NKAIN2: variants seen among roughly 807,000 people sequenced by gnomAD.
NKAIN2 encodes the protein sodium/potassium transporting ATPase interacting 2.
A neutral mutation model predicts 32.6 loss-of-function variants in NKAIN2; 14 were observed. That is an observed-to-expected ratio of 0.43 (90% confidence interval 0.28 to 0.67). NKAIN2 has a LOEUF of 0.67. Among genes scored for constraint, NKAIN2 ranks in the 30% least tolerant of loss-of-function variants. NKAIN2 has a pLI of 0.17. For synonymous variants in NKAIN2, 80 were observed against 87.2 expected, an observed-to-expected ratio of 0.92 and a Z score of 0.46; for missense variants, 198 against 258.3, an observed-to-expected ratio of 0.77 and a Z score of 1.60.
At chr6:124,030,013 G>A (rs1781335568) in intron 1 of NKAIN2, among the ~76,000 whole-genome samples, 1 of 151,896 alleles carries the variant, frequency 6.6e-6, no homozygotes, top group African/African-American at 2.4e-5. Context: ...GACCAGCCTG[G>A]CCAACATGGT....
chr6:124,429,448 T>C (rs948461874), intron 3 of NKAIN2, among the ~76,000 whole-genome samples: 3 of 152,220 alleles, frequency 2.0e-5, no homozygotes, highest in African/African-American at 7.2e-5. Flanking sequence ...GTGAGAAGTC[T>C]CTCCTCTGTG....
At chr6:124,214,636 G>T (rs1791372962) in intron 1 of NKAIN2, among the ~76,000 whole-genome samples, 1 of 152,090 alleles carries the variant, frequency 6.6e-6, no homozygotes. Flanking sequence ...AGGAGGTGGA[G>T]ATTGCCATGA....
intron 3 of NKAIN2, among the ~76,000 whole-genome samples, chr6:124,647,113 G>T (rs1480684912): frequency 6.6e-6 from 1 of 151,476 alleles, no homozygotes; most frequent in Non-Finnish European, 1.5e-5. Flanking sequence ...TAAATATTTA[G>T]GAAAACTGTA....
At position 123,988,874 on chromosome 6, in the gene NKAIN2, A is replaced by AGTGTGT. The variant is rs72226512; in HGVS notation, c.54+184647_54+184652dup. Among the ~76,000 whole-genome samples the AGTGTGT allele has an allele frequency of 1.2e-3, 156 of 134,408 alleles. 1 individual carries two copies. The highest frequency in any genetic ancestry group is 0.011 in the East Asian group (48 of 4,362). 88.2% of individuals were successfully genotyped at this position (134,408 alleles called of 152,430 possible). On this transcript the variant is annotated intron_variant, in intron 1 of 6. Transcript: ENST00000368417. ...TTGCTGTAGATATTTGAACCTTAAG[A>AGTGTGT]GTGTGTGTGTGTGTGTGTGTGTGTG...
chr6:124,533,471 C>CAAA lies in NKAIN2; in HGVS notation c.274-124697_274-124695dup, dbSNP rs201100605. 6.6e-4 allele frequency among the ~76,000 whole-genome samples: 39 copies of CAAA among 58,968 alleles called. 4 individuals carry two copies. The highest frequency in any genetic ancestry group is 1.1e-3 in the African/African-American group (16 of 14,260). The allele number at this position is 58,968 out of a possible 152,430, so 38.7% of individuals were successfully genotyped here. A position where few individuals can be genotyped will look rare whatever the true frequency, so the allele number is the denominator to read the frequency against. Reference sequence around the variant, plus strand: ...TGGGTGACAGAGCAAGACTCTGTCTCAAAAAAAAAAAAAAAAAAAATCCTG... The same window carrying CAAA: ...TGGGTGACAGAGCAAGACTCTGTCTCAAAAAAAAAAAAAAAAAAAAAAATCCTG... On this transcript the variant is annotated intron_variant, in intron 3 of 6. Coordinates refer to ENST00000368417, the MANE Select transcript of NKAIN2 (RefSeq NM_001040214.3).
chr6:124,197,332 C>G (rs746762336), intron 1 of NKAIN2, among the ~76,000 whole-genome samples: 2 of 151,970 alleles, frequency 1.3e-5, no homozygotes, highest in Non-Finnish European at 2.9e-5. Flanking sequence ...ACTTTCCACC[C>G]CACCAGCCTT....
At chr6:124,772,063 G>T (rs974762920) in intron 4 of NKAIN2, among the ~76,000 whole-genome samples, 4 of 152,206 alleles carry the variant, frequency 2.6e-5, no homozygotes, top group Non-Finnish European at 5.9e-5. Context: ...ATTTTGTCAT[G>T]AAAGAGTGAG....
chr6:123,807,440 A>T (rs540191434), intron 1 of NKAIN2, among the ~76,000 whole-genome samples: 39 of 152,212 alleles, frequency 2.6e-4, no homozygotes, highest in African/African-American at 9.4e-4. Flanking sequence ...TAATACTCAG[A>T]AACTGAAGAT....
chr6:124,424,142 C>T (rs189317124), intron 3 of NKAIN2, among the ~76,000 whole-genome samples: 278 of 152,086 alleles, frequency 1.8e-3, no homozygotes, highest in African/African-American at 6.1e-3. Flanking sequence ...TACAGGTGCC[C>T]GCCACCATGC....
intron 3 of NKAIN2, among the ~76,000 whole-genome samples, chr6:124,501,441 A>G (rs944599524): frequency 1.3e-5 from 2 of 152,196 alleles, no homozygotes; most frequent in African/African-American, 4.8e-5. Context: ...TGGAAGGGAA[A>G]GAAAGAAAAA....
rs151197279 is a variant in NKAIN2 at position 124,155,453 on chromosome 6, G to C, written c.55-127552G>C. Reference sequence around the variant, plus strand: ...ATAATTATTATATGTCAATTAAAAAGAAAAAAATTTAAATGTTGAATGAGG... The same window carrying C: ...ATAATTATTATATGTCAATTAAAAACAAAAAAATTTAAATGTTGAATGAGG... On this transcript the variant is annotated intron_variant, in intron 1 of 6. Coordinates refer to ENST00000368417, the MANE Select transcript of NKAIN2 (RefSeq NM_001040214.3). 2.8e-3 allele frequency among the ~76,000 whole-genome samples: 424 copies of C among 151,570 alleles called. 1 individual carries two copies. The highest frequency in any genetic ancestry group is 5.2e-3 in the Non-Finnish European group (356 of 67,826).
intron 1 of NKAIN2, among the ~76,000 whole-genome samples, chr6:123,958,862 T>C (rs1243617977): frequency 1.3e-5 from 2 of 152,164 alleles, no homozygotes; most frequent in Non-Finnish European, 2.9e-5. Context: ...TTATTCTTTA[T>C]AGACCAGGAA....
At chr6:124,409,661 T>G (rs1774057408) in intron 3 of NKAIN2, among the ~76,000 whole-genome samples, 1 of 152,326 alleles carries the variant, frequency 6.6e-6, no homozygotes, top group Middle Eastern at 3.4e-3. Flanking sequence ...TTCTCTTTTC[T>G]TGTTGTGTCT....
intron 3 of NKAIN2, among the ~76,000 whole-genome samples, chr6:124,481,787 G>T (rs994857037): frequency 6.6e-6 from 1 of 152,200 alleles, no homozygotes; most frequent in East Asian, 1.9e-4. Flanking sequence ...GATCCTGAGA[G>T]ACTTGAGTGT....
At chr6:124,036,033 G>A (rs1781592326) in intron 1 of NKAIN2, among the ~76,000 whole-genome samples, 1 of 152,052 alleles carries the variant, frequency 6.6e-6, no homozygotes, top group African/African-American at 2.4e-5. Flanking sequence ...ATAAGTAATG[G>A]ATATTGTTTC....
At chr6:124,424,823 C>T (rs1774913080) in intron 3 of NKAIN2, among the ~76,000 whole-genome samples, 1 of 152,112 alleles carries the variant, frequency 6.6e-6, no homozygotes, top group Non-Finnish European at 1.5e-5. Context: ...ATGCACACAG[C>T]TTATTTCCTT....
At chr6:123,899,561 C>A (rs1200733152) in intron 1 of NKAIN2, among the ~76,000 whole-genome samples, 1 of 152,196 alleles carries the variant, frequency 6.6e-6, no homozygotes, top group Non-Finnish European at 1.5e-5. Flanking sequence ...TTATGTATAG[C>A]AGATGTAATC....
intron 1 of NKAIN2, among the ~76,000 whole-genome samples, chr6:123,894,167 A>C (rs1774162108): frequency 6.6e-6 from 1 of 152,026 alleles, no homozygotes; most frequent in African/African-American, 2.4e-5. Flanking sequence ...CAGGTGTCTC[A>C]AAAATGGACA....
chr6:124,528,543 A>C (rs1779404043), intron 3 of NKAIN2, among the ~76,000 whole-genome samples: 1 of 152,352 alleles, frequency 6.6e-6, no homozygotes, highest in African/African-American at 2.4e-5. Flanking sequence ...AGCTTATAAT[A>C]GTTTCAAAAA....
Sources: allele counts gnomAD v4.1 joint callset (sites outside exome capture counted in the v4.1 genomes callset), GRCh38; gene constraint gnomAD v4.1.1; transcripts MANE v1.5; gene names NCBI Gene and HGNC (gene_info 2026-07-23, HGNC 2026-07-21).